C10orf90: variants seen among roughly 807,000 people sequenced by gnomAD.
The protein encoded by C10orf90 is (E2-independent) E3 ubiquitin-conjugating enzyme FATS.
In C10orf90, 56 loss-of-function variants were observed where a neutral mutation model predicts 62.5. The ratio of observed to expected loss-of-function variants is 0.90; its 90% CI spans 0.72 to 1.12. The LOEUF (loss-of-function observed/expected upper bound fraction) is 1.12, where lower values mean the gene tolerates loss of function less well. Among genes scored for constraint, C10orf90 ranks in the 50% most tolerant of loss-of-function variants. The pLI is 0.00. For synonymous variants in C10orf90, 386 were observed against 340.4 expected, an observed-to-expected ratio of 1.13 and a Z score of -1.47; for missense variants, 970 against 880.4, an observed-to-expected ratio of 1.10 and a Z score of -1.29.
chr10:126,634,454 C>A (rs1845910398), intron 2 of C10orf90, among the ~76,000 whole-genome samples: 1 of 152,092 alleles, frequency 6.6e-6, no homozygotes, highest in African/African-American at 2.4e-5. Context: ...GTTACCAGAG[C>A]TGGAAGGCAG....
rs7914605 is a variant in C10orf90, at chr10:126,600,775, T to G, written c.313+45790A>C. Among the ~76,000 whole-genome samples the G allele has an allele frequency of 3.3e-3, 497 of 152,302 alleles. 3 individuals are homozygous for G. Among genetic ancestry groups the G allele is most frequent in the African/African-American group, 0.012 (484 of 41,566 alleles). ...ATGTGTGTGTGTTTCCTCAGGCATC[T>G]GTTTAAATGCAGTATCTTACCTTAA... On this transcript the variant is annotated intron_variant, in intron 2 of 9. Transcript: ENST00000488181.
At chr10:126,616,378 G>A (rs1845541637) in intron 2 of C10orf90, among the ~76,000 whole-genome samples, 2 of 152,166 alleles carry the variant, frequency 1.3e-5, no homozygotes, top group South Asian at 4.1e-4. Context: ...TGAGCATAAA[G>A]GTAGAAGGTA....
rs1846118915 is a variant in C10orf90 at position 126,644,162 on chromosome 10, TC to T, written c.313+2402del. ...CCTTGATGGCTAATCATGTTCACCTTCCCCCACCTTAGATACTAAGCTCCTC... is the reference window on the plus strand; with the variant it reads ...CCTTGATGGCTAATCATGTTCACCTTCCCCACCTTAGATACTAAGCTCCTC... On this transcript the variant is annotated intron_variant, in intron 2 of 9. Transcript: ENST00000488181. Among the ~76,000 whole-genome samples, 4 of 152,326 alleles carry T rather than the reference TC, an allele frequency of 2.6e-5. No homozygotes were observed. In the South Asian group the frequency reaches 6.2e-4, roughly 24 times the overall value.
chr10:126,476,784 A>G (rs80111997), intron 4 of C10orf90, among the ~76,000 whole-genome samples: 2,219 of 152,314 alleles, frequency 0.015, 39 homozygotes, highest in African/African-American at 0.046. Flanking sequence ...TAGGTATAGA[A>G]AATAGAAATA....
At chr10:126,637,690 G>T (rs1225258830) in intron 2 of C10orf90, among the ~76,000 whole-genome samples, 12 of 152,198 alleles carry the variant, frequency 7.9e-5, no homozygotes, top group Non-Finnish European at 1.0e-4. Flanking sequence ...CATGGGCAGG[G>T]ATCCCAAAGC....
chr10:126,576,460 A>G (rs962010213), intron 2 of C10orf90, among the ~76,000 whole-genome samples: 1 of 151,920 alleles, frequency 6.6e-6, no homozygotes, highest in African/African-American at 2.4e-5. Context: ...CTCTTTATAC[A>G]CTGTTGGTGG....
chr10:126,628,362 T>A (rs555151361), intron 2 of C10orf90, among the ~76,000 whole-genome samples: 1 of 152,224 alleles, frequency 6.6e-6, no homozygotes, highest in African/African-American at 2.4e-5. Context: ...AATGGGTGGG[T>A]GGATGGATGG....
chr10:126,616,706 T>G (rs1392438635), intron 2 of C10orf90, among the ~76,000 whole-genome samples: 1 of 152,210 alleles, frequency 6.6e-6, no homozygotes, highest in African/African-American at 2.4e-5. Context: ...ACAATCCATC[T>G]CCTTAATTAA....
At chr10:126,497,797 G>A (rs1398243068) in intron 4 of C10orf90, among the ~76,000 whole-genome samples, 2 of 152,268 alleles carry the variant, frequency 1.3e-5, no homozygotes, top group East Asian at 3.9e-4. Flanking sequence ...ACAGAACAAT[G>A]CATAACTAAA....
intron 4 of C10orf90, among the ~76,000 whole-genome samples, chr10:126,465,924 C>T (rs1860256796): frequency 6.6e-6 from 1 of 152,194 alleles, no homozygotes; most frequent in African/African-American, 2.4e-5. Flanking sequence ...TCAGAAATCT[C>T]TCAAAGGACA....
At chr10:126,564,853 TATAAA>T in intron 2 of C10orf90, among the ~76,000 whole-genome samples, 1 of 21,142 alleles carries the variant, frequency 4.7e-5, no homozygotes, top group African/African-American at 2.7e-4. Context: ...TTATATATTA[TATAAA>T]ATATATATTA....
intron 4 of C10orf90, among the ~76,000 whole-genome samples, chr10:126,490,890 T>TA (rs200312134): frequency 6.6e-6 from 1 of 151,978 alleles, no homozygotes; most frequent in African/African-American, 2.4e-5. Flanking sequence ...AAAAAGTACG[T>TA]AAAAAAATTG....
rs1329580839 is a variant in C10orf90, at chr10:126,453,687, C to T, written c.2188+5353G>A. The stretch of plus-strand genomic sequence containing the variant: ...TACAGGCAGTAGCAGTAATTCATAA[C>T]AAAGTGCTCGGCTGAGAGATGAAAG... On this transcript the variant is annotated intron_variant, in intron 7 of 9. Transcript: ENST00000488181. This position sits in a 1 kb window ranked among gnomAD's most constrained non-coding sequence, Gnocchi z 4.9. 6.6e-6 allele frequency among the ~76,000 whole-genome samples: 1 copy of T among 152,108 alleles called. No individual in the cohort carries two copies. The highest frequency in any genetic ancestry group is 2.4e-5 in the African/African-American group (1 of 41,396).
At chr10:126,468,904 A>G (rs540949248) in intron 4 of C10orf90, among the ~76,000 whole-genome samples, 2 of 152,332 alleles carry the variant, frequency 1.3e-5, no homozygotes, top group African/African-American at 2.4e-5. Context: ...AAATGTCACC[A>G]CAAGCCAATC....
At chr10:126,663,148 A>G (rs942966378) in intron 1 of C10orf90, among the ~76,000 whole-genome samples, 1 of 152,212 alleles carries the variant, frequency 6.6e-6, no homozygotes, top group Non-Finnish European at 1.5e-5. Context: ...GGTCCTCAGA[A>G]CTGTAAGGAA....
chr10:126,513,682 T>C (rs1863266903), intron 3 of C10orf90, among the ~76,000 whole-genome samples, 166 bp downstream of exon 3: 1 of 152,234 alleles, frequency 6.6e-6, no homozygotes, highest in South Asian at 2.1e-4. Flanking sequence ...TTGCTGAAGA[T>C]GATAAAAGAA....
chr10:126,498,570 G>T (rs1034026408), intron 4 of C10orf90, among the ~76,000 whole-genome samples: 1 of 152,138 alleles, frequency 6.6e-6, no homozygotes, highest in Non-Finnish European at 1.5e-5. Context: ...TGGCAGAATG[G>T]CCATTCAGCA....
chr10:126,499,485 G>C (rs1222385575), intron 4 of C10orf90, among the ~76,000 whole-genome samples: 1 of 152,230 alleles, frequency 6.6e-6, no homozygotes, highest in Admixed American at 6.5e-5. Flanking sequence ...CATGGGATGA[G>C]AGTGGGAGTC....
chr10:126,645,117 G>A (rs1011967928), intron 2 of C10orf90, among the ~76,000 whole-genome samples: 24 of 151,840 alleles, frequency 1.6e-4, no homozygotes, highest in African/African-American at 5.8e-4. Flanking sequence ...GTTGTGGGGT[G>A]GGAGGAGGGG....
Sources: allele counts gnomAD v4.1 joint callset (sites outside exome capture counted in the v4.1 genomes callset), GRCh38; gene constraint gnomAD v4.1.1; non-coding constraint Gnocchi (gnomAD v3.1); transcripts MANE v1.5; gene names NCBI Gene and HGNC (gene_info 2026-07-23, HGNC 2026-07-21).